The following GRID2 variants were observed in gnomAD, a reference collection of about 807,000 sequenced individuals.
The protein encoded by GRID2 is glutamate ionotropic receptor delta type subunit 2.
Under a neutral mutation model 114.8 loss-of-function variants are expected in GRID2, and 33 were observed. The observed-to-expected ratio is 0.29, with a 90% CI of 0.22 to 0.38. GRID2 has a LOEUF of 0.38. Among genes scored for constraint, GRID2 ranks in the 10% least tolerant of loss-of-function variants. The pLI is 1.00. For synonymous variants in GRID2, 505 were observed against 449.9 expected, an observed-to-expected ratio of 1.12 and a Z score of -1.55; for missense variants, 1,184 against 1,257.7, an observed-to-expected ratio of 0.94 and a Z score of 0.89.
At chr4:93,394,504 G>T (rs1334848124) in intron 8 of GRID2, among the ~76,000 whole-genome samples, 13 of 151,822 alleles carry the variant, frequency 8.6e-5, no homozygotes, top group Admixed American at 7.9e-4. Context: ...GTTTATTTGT[G>T]GGGGAGACTT....
intron 2 of GRID2, among the ~76,000 whole-genome samples, chr4:93,043,653 A>T (rs1245458836): frequency 6.6e-6 from 1 of 152,084 alleles, no homozygotes; most frequent in East Asian, 1.9e-4. Context: ...GAGTGATGTG[A>T]TCAAATATCA....
rs1305575581 is a variant in GRID2 at position 93,595,463 on chromosome 4, T to G, written c.2194-30806T>G. The stretch of plus-strand genomic sequence containing the variant: ...ATTATTGATCCCCTCTAATCTTCAC[T>G]CAGTCCCAATATTTGTAAAATGGGA... On this transcript the variant is annotated intron_variant, in intron 13 of 15. Coordinates refer to ENST00000282020, the MANE Select transcript of GRID2 (RefSeq NM_001510.4). 3.6e-4 allele frequency among the ~76,000 whole-genome samples: 55 copies of G among 152,168 alleles called. 1 individual carries two copies. The highest frequency in any genetic ancestry group is 1.0e-4 in the Non-Finnish European group (7 of 68,024).
chr4:92,784,815 T>G (rs1363178558), intron 2 of GRID2, among the ~76,000 whole-genome samples: 1 of 151,878 alleles, frequency 6.6e-6, no homozygotes, highest in East Asian at 1.9e-4. Context: ...AAAGTAATTT[T>G]CTCATGGAGA....
At chr4:92,734,926 G>A (rs1456191641) in intron 2 of GRID2, among the ~76,000 whole-genome samples, 1 of 151,572 alleles carries the variant, frequency 6.6e-6, no homozygotes, top group African/African-American at 2.4e-5. Flanking sequence ...GTACAGGCAT[G>A]TACGATCACA....
intron 8 of GRID2, among the ~76,000 whole-genome samples, chr4:93,277,074 T>C (rs1331785202): frequency 1.3e-5 from 2 of 151,904 alleles, no homozygotes; most frequent in Non-Finnish European, 1.5e-5. Flanking sequence ...TGTTTACATG[T>C]AGTGTTACAG....
intron 14 of GRID2, among the ~76,000 whole-genome samples, chr4:93,728,519 G>T (rs1258308464): frequency 6.6e-6 from 1 of 152,140 alleles, no homozygotes; most frequent in African/African-American, 2.4e-5. Flanking sequence ...GTGCAGAGCT[G>T]AGTTCAATTC....
chr4:92,804,991 G>A (rs1740342811), intron 2 of GRID2, among the ~76,000 whole-genome samples: 1 of 151,846 alleles, frequency 6.6e-6, no homozygotes, highest in African/African-American at 2.4e-5. Context: ...ACTTATACTG[G>A]CTAATATTTC....
intron 4 of GRID2, among the ~76,000 whole-genome samples, chr4:93,122,395 G>C (rs1733856893): frequency 6.6e-6 from 1 of 152,136 alleles, no homozygotes; most frequent in Admixed American, 6.5e-5. Flanking sequence ...AGTGGGAGTT[G>C]ATTAGTGTAT....
chr4:93,797,488 G>C (rs1734826540), intron 1 of GRID2, among the ~76,000 whole-genome samples: 1 of 152,136 alleles, frequency 6.6e-6, no homozygotes, highest in African/African-American at 2.4e-5. Flanking sequence ...AGATACAGAG[G>C]AAGGTGCCTG....
In GRID2 at chr4:93,085,111, C is replaced by T. The variant is rs370298520; in HGVS notation, c.361C>T (p.Arg121Cys). The T allele has an allele frequency of 4.3e-6, 7 of 1,614,110 alleles. No individual in the cohort carries two copies. The highest frequency in any genetic ancestry group is 1.3e-5 in the African/African-American group (1 of 75,056). Residue 121 changes from arginine to cysteine, a missense_variant, in exon 3 of 16, where the codon CGC (arginine) becomes TGC (cysteine). Coordinates refer to ENST00000282020, the MANE Select transcript of GRID2 (RefSeq NM_001510.4). ...GCATATCCCCCACCTCTTCATTCAG[C>T]GCTCAACAGCTGGGACCCCAAGGAG... is the stretch of plus-strand genomic sequence containing the variant. ...AMHIPHLFIQ[R>C]STAGTPRSGC...
intron 12 of GRID2, among the ~76,000 whole-genome samples, chr4:93,509,729 C>A (rs1487460202): frequency 1.3e-5 from 2 of 152,134 alleles, no homozygotes; most frequent in African/African-American, 4.8e-5. Flanking sequence ...TTGGGGATGG[C>A]CTGCCTTACC....
At chr4:92,311,072 A>G (rs1259113350) in intron 1 of GRID2, among the ~76,000 whole-genome samples, 1 of 151,992 alleles carries the variant, frequency 6.6e-6, no homozygotes, top group Non-Finnish European at 1.5e-5. Flanking sequence ...TTTGTCTATT[A>G]TTAGTACCAA....
At chr4:93,625,316 A>G (rs187463147) in intron 13 of GRID2, among the ~76,000 whole-genome samples, 5 of 152,318 alleles carry the variant, frequency 3.3e-5, no homozygotes, top group Admixed American at 3.3e-4. Context: ...TAGAAGCACA[A>G]AGACATGGCT....
chr4:93,272,533 AAGG>A (rs2149571592), intron 8 of GRID2, among the ~76,000 whole-genome samples: 1 of 152,272 alleles, frequency 6.6e-6, no homozygotes, highest in Admixed American at 6.5e-5. Context: ...ATGGTCTGAG[AAGG>A]AGGTCATATA....
intron 10 of GRID2, among the ~76,000 whole-genome samples, chr4:93,449,542 C>T (rs1722481038): frequency 6.6e-6 from 1 of 151,994 alleles, no homozygotes; most frequent in South Asian, 2.1e-4. Flanking sequence ...ATAGCATTAG[C>T]TATTCAGGAT....
chr4:93,376,092 C>T (rs1763354121), intron 8 of GRID2, among the ~76,000 whole-genome samples: 1 of 152,116 alleles, frequency 6.6e-6, no homozygotes, highest in Non-Finnish European at 1.5e-5. Flanking sequence ...GTTTTGGGCC[C>T]ACCCATATGA....
intron 2 of GRID2, among the ~76,000 whole-genome samples, chr4:92,794,905 T>TATATATATATATATATATATATATAC (rs745392261): frequency 1.0e-4 from 13 of 127,794 alleles, no homozygotes; most frequent in African/African-American, 3.7e-4. Context: ...TATATATATA[T>TATATATATATATATATATATATATAC]ACACACACAC....
At chr4:93,536,557 A>T (rs1318379475) in intron 13 of GRID2, among the ~76,000 whole-genome samples, 1 of 151,782 alleles carries the variant, frequency 6.6e-6, no homozygotes, top group Non-Finnish European at 1.5e-5. Flanking sequence ...ACTTTATTGT[A>T]AGATGTGAAA....
chr4:93,410,838 C>T (rs753806524), intron 9 of GRID2, among the ~76,000 whole-genome samples: 23 of 152,212 alleles, frequency 1.5e-4, no homozygotes, highest in Non-Finnish European at 3.1e-4. Flanking sequence ...CCGCCTTGGC[C>T]TCCCAAAGTG....
Sources: gnomAD v4.1 joint callset for allele counts (sites outside exome capture counted in the v4.1 genomes callset) on GRCh38, gnomAD v4.1.1 for gene constraint, MANE v1.5 for transcripts, NCBI Gene and HGNC (gene_info 2026-07-23, HGNC 2026-07-21) for gene names.